The following OSBP2 variants were observed in gnomAD, a reference collection of about 807,000 sequenced individuals.
The protein encoded by OSBP2 is oxysterol-binding protein 2.
OSBP2 carries 66 observed loss-of-function variants against 96.0 expected under a neutral mutation model. The ratio of observed to expected loss-of-function variants is 0.69; its 90% CI spans 0.56 to 0.84. The LOEUF (loss-of-function observed/expected upper bound fraction) is 0.84, where lower values mean the gene tolerates loss of function less well. OSBP2 is among the 40% of genes least tolerant of loss of function. The pLI, the probability that OSBP2 is intolerant of heterozygous loss-of-function variation, is 0.00. For missense variants in OSBP2, 1,038 were observed against 1,222.7 expected (o/e 0.85, Z 2.25); for synonymous variants, 525 against 520.9 (o/e 1.01, Z -0.11).
Position 30,736,175 on chromosome 22 carries a change from A to G in OSBP2, c.645-4986A>G, listed in dbSNP as rs149167374. The stretch of plus-strand genomic sequence containing the variant: ...GAGATCCACCCACTTCGGCCTCCCA[A>G]AGTGCTGGGATTACAGGTGTGAGCC... On this transcript the variant is annotated intron_variant, in intron 1 of 13. Coordinates refer to ENST00000332585, the MANE Select transcript of OSBP2 (RefSeq NM_030758.4). Among the ~76,000 whole-genome samples, 120 of 152,242 alleles carry G rather than the reference A, an allele frequency of 7.9e-4. No homozygotes were observed. In the East Asian group the frequency reaches 0.02, roughly 25 times the overall value.
chr22:30,754,094 G>A (rs2090112121), intron 2 of OSBP2, among the ~76,000 whole-genome samples: 1 of 152,112 alleles, frequency 6.6e-6, no homozygotes, highest in South Asian at 2.1e-4. Context: ...ATTACTCTGA[G>A]TCTTTCTTTC....
At chr22:30,822,575 C>A in intron 2 of OSBP2, 1 of 1,515,370 alleles carries the variant, frequency 6.6e-7, no homozygotes, top group Admixed American at 2.0e-5. Context: ...GTGCAAGCCC[C>A]CGGGACCCGG....
chr22:30,844,692 G>A (rs553377451), intron 2 of OSBP2: 2 of 152,150 alleles, frequency 1.3e-5, no homozygotes, highest in African/African-American at 4.8e-5. Flanking sequence ...CAATAAGACT[G>A]TTTCCCTTAT....
intron 2 of OSBP2, among the ~76,000 whole-genome samples, chr22:30,824,402 G>T (rs191123279): frequency 3.3e-5 from 5 of 150,492 alleles, no homozygotes; most frequent in Non-Finnish European, 7.4e-5. Context: ...GAGACCCTAG[G>T]GGGGAATACG....
At position 30,893,448 on chromosome 22, in the gene OSBP2, G is replaced by A. The variant is rs535163370; in HGVS notation, c.1991-15G>A. 1 of 1,608,704 alleles carries A rather than the reference G, an allele frequency of 6.2e-7. No homozygotes were observed. The highest frequency in any genetic ancestry group is 2.2e-5 in the East Asian group (1 of 44,858). On this transcript the variant is annotated splice_polypyrimidine_tract_variant and intron_variant, in intron 9 of 13. Transcript: ENST00000332585. The stretch of plus-strand genomic sequence containing the variant: ...CATGGGGGGGCATGACCTCTGACCT[G>A]TCCCCTGCCTCCAGGTGCCATCCAC...
In OSBP2 at chr22:30,887,558, G is replaced by T. The variant is rs895865094; in HGVS notation, c.1240G>T (p.Glu414Ter). ...GCTGGCGAAGCAGCACAACAGCCTC[G>T]AGCGGGCCTTCCACAGTGCCCCTGG... ...EQLAKQHNSL[E>*]RAFHSAPGRP... The change falls in exon 4 of 14, where the codon GAG (glutamate) becomes TAG (stop). Residue 414 changes from glutamate (E) to a stop codon, truncating the protein, a stop_gained. Coordinates refer to ENST00000332585, the MANE Select transcript of OSBP2 (RefSeq NM_030758.4). LOFTEE classifies it high-confidence loss of function. 6.2e-7 allele frequency: 1 copy of T among 1,613,154 alleles called. No individual in the cohort carries two copies. Among genetic ancestry groups the T allele is most frequent in the South Asian group, 1.1e-5 (1 of 91,032 alleles).
intron 2 of OSBP2, among the ~76,000 whole-genome samples, chr22:30,799,371 G>A (rs1238485015): frequency 2.6e-5 from 4 of 152,342 alleles, no homozygotes; most frequent in Admixed American, 6.5e-5. Flanking sequence ...TGATCTGCCC[G>A]GCTTGGCCTC....
chr22:30,891,831 C>T (rs986193894), intron 8 of OSBP2, among the ~76,000 whole-genome samples: 1 of 152,194 alleles, frequency 6.6e-6, no homozygotes, highest in Non-Finnish European at 1.5e-5. Context: ...CCAGGTGCTG[C>T]TCAGACATGG....
At chr22:30,882,464 A>G (rs1246029650) in intron 3 of OSBP2, among the ~76,000 whole-genome samples, 1 of 151,666 alleles carries the variant, frequency 6.6e-6, no homozygotes, top group East Asian at 1.9e-4. Context: ...CGAGTCCCTC[A>G]GTCACCCTGA....
intron 2 of OSBP2, among the ~76,000 whole-genome samples, chr22:30,746,889 C>T (rs1024459392): frequency 2.0e-5 from 3 of 152,162 alleles, no homozygotes; most frequent in African/African-American, 7.2e-5. Flanking sequence ...AACCATTATC[C>T]TTTATGAATA....
chr22:30,699,510 A>C (rs770716559), intron 1 of OSBP2, among the ~76,000 whole-genome samples: 2 of 152,326 alleles, frequency 1.3e-5, no homozygotes, highest in Non-Finnish European at 2.9e-5. Flanking sequence ...GCACAAATTT[A>C]TATTCCCAAC....
At chr22:30,723,433 A>C (rs1045537906) in intron 1 of OSBP2, among the ~76,000 whole-genome samples, 2 of 144,394 alleles carry the variant, frequency 1.4e-5, no homozygotes, top group Non-Finnish European at 3.0e-5. Flanking sequence ...ATTTTTCCTG[A>C]GACAGAGTCT....
At chr22:30,854,774 T>TA (rs1300420082) in intron 2 of OSBP2, among the ~76,000 whole-genome samples, 2 of 152,168 alleles carry the variant, frequency 1.3e-5, no homozygotes, top group African/African-American at 4.8e-5. Flanking sequence ...TCTTATGGAG[T>TA]AAGTGTACTT....
chr22:30,822,638 G>C, intron 2 of OSBP2: 1 of 1,533,178 alleles, frequency 6.5e-7, no homozygotes, highest in Non-Finnish European at 8.7e-7. Context: ...GAAATGAAGG[G>C]ACGCGGCTGC....
chr22:30,788,813 A>G (rs2090633268), intron 2 of OSBP2, among the ~76,000 whole-genome samples: 1 of 152,094 alleles, frequency 6.6e-6, no homozygotes, highest in African/African-American at 2.4e-5. Context: ...CCCGGGTTCA[A>G]GCGATTCTCC....
intron 1 of OSBP2, among the ~76,000 whole-genome samples, chr22:30,712,164 T>C (rs136389): frequency 0.43 from 64,884 of 151,946 alleles, 14,385 homozygotes; most frequent in East Asian, 0.55. Context: ...TCCTTTACCA[T>C]TGGTAGTTTT....
At chr22:30,741,128 G>T (rs752588446) in intron 1 of OSBP2, 33 bp from the exon 2 acceptor site, 1 of 1,538,406 alleles carries the variant, frequency 6.5e-7, no homozygotes, top group South Asian at 1.1e-5. Context: ...GAGATTAGGA[G>T]CCTCACCCCA....
In OSBP2 at chr22:30,694,885, G is replaced by C. The variant is rs1190151118; in HGVS notation, c.-25G>C. Reference sequence around the variant, plus strand: ...TGCCCCCCGCCCCCACTGGCCGCTCGGCCGCGCGCGGGTCGGCCGGCTCTA... The same window carrying C: ...TGCCCCCCGCCCCCACTGGCCGCTCCGCCGCGCGCGGGTCGGCCGGCTCTA... On this transcript the variant is annotated 5_prime_UTR_variant, in exon 1 of 14. Coordinates refer to ENST00000332585, the MANE Select transcript of OSBP2 (RefSeq NM_030758.4). 4.3e-6 allele frequency: 5 copies of C among 1,166,326 alleles called. No homozygotes were observed. Among genetic ancestry groups the C allele is most frequent in the Non-Finnish European group, 5.5e-6 (5 of 916,546 alleles). 72.2% of individuals were successfully genotyped at this position (1,166,326 alleles called of 1,614,324 possible).
At chr22:30,884,657 C>G (rs1195326537) in intron 3 of OSBP2, among the ~76,000 whole-genome samples, 1 of 152,084 alleles carries the variant, frequency 6.6e-6, no homozygotes, top group Non-Finnish European at 1.5e-5. Flanking sequence ...TTCCACCGAG[C>G]CAGGCCAGCC....
Sources: allele counts gnomAD v4.1 joint callset (sites outside exome capture counted in the v4.1 genomes callset), GRCh38; gene constraint gnomAD v4.1.1; transcripts MANE v1.5; gene names NCBI Gene and HGNC (gene_info 2026-07-23, HGNC 2026-07-21).